AFF1: variants seen among roughly 807,000 people sequenced by gnomAD.
AFF1 encodes the protein ALF transcription elongation factor 1.
AFF1 carries 48 observed loss-of-function variants against 121.7 expected under a neutral mutation model. The ratio of observed to expected loss-of-function variants is 0.39; its 90% CI spans 0.31 to 0.50. The LOEUF (loss-of-function observed/expected upper bound fraction) is 0.50. AFF1 is among the 20% of genes least tolerant of loss of function. The probability of loss-of-function intolerance (pLI) is 0.76; values close to 1 mark genes in which losing one functional copy is unlikely to be tolerated. For synonymous variants in AFF1, 613 were observed against 563.0 expected, an observed-to-expected ratio of 1.09 and a Z score of -1.26; for missense variants, 1,523 against 1,511.7, an observed-to-expected ratio of 1.01 and a Z score of -0.12.
At chr4:86,963,963 G>GTTGTTTTTT (rs1722337746) in intron 2 of AFF1, among the ~76,000 whole-genome samples, 1 of 104,382 alleles carries the variant, frequency 9.6e-6, no homozygotes, top group East Asian at 2.9e-4. Flanking sequence ...GACTAGACTG[G>GTTGTTTTTT]TTTTTTTTTT....
chr4:87,072,091 T>C lies in AFF1; in HGVS notation c.1060-12029T>C, dbSNP rs573508247. ...AAGATTTTAAATTCAGGGCTGGGCGTGGTGGCTCACGCCTGTAATCCCAGC... is the reference window on the plus strand; with the variant it reads ...AAGATTTTAAATTCAGGGCTGGGCGCGGTGGCTCACGCCTGTAATCCCAGC... On this transcript the variant is annotated intron_variant, in intron 4 of 20. Transcript: ENST00000395146. Among the ~76,000 whole-genome samples, 57 of 152,198 alleles carry C rather than the reference T, an allele frequency of 3.7e-4. 1 individual carries two copies. In the South Asian group the frequency reaches 0.011, roughly 28 times the overall value.
intron 2 of AFF1, chr4:87,007,005 TCTAA>T: frequency 9.1e-7 from 1 of 1,102,826 alleles, no homozygotes; most frequent in Non-Finnish European, 1.1e-6. Context: ...TCTTTTCCTT[TCTAA>T]CTGTGGCCCG....
chr4:87,119,164 TTTC>T (rs888880892), intron 12 of AFF1, among the ~76,000 whole-genome samples: 2 of 152,162 alleles, frequency 1.3e-5, no homozygotes, highest in African/African-American at 4.8e-5. Flanking sequence ...TGGCCTATGT[TTTC>T]TTCTTCAGAA....
intron 4 of AFF1, among the ~76,000 whole-genome samples, chr4:87,064,195 T>C (rs988664735): frequency 6.6e-6 from 1 of 152,204 alleles, no homozygotes; most frequent in African/African-American, 2.4e-5. Context: ...GAAAAAATTA[T>C]AGTACTGAAC....
At chr4:87,049,871 G>A (rs1389900908) in intron 4 of AFF1, 9 of 379,636 alleles carry the variant, frequency 2.4e-5, no homozygotes, top group East Asian at 7.5e-5. Flanking sequence ...TCGTCAATCC[G>A]GGAAGTGGGG....
In AFF1 at chr4:87,138,025, T is replaced by A; in HGVS notation, c.*2324T>A. 2 of 206,600 alleles carry A rather than the reference T, an allele frequency of 9.7e-6. No individual in the cohort carries two copies. Among genetic ancestry groups the A allele is most frequent in the Non-Finnish European group, 1.9e-5 (2 of 107,036 alleles). The allele number at this position is 206,600 out of a possible 1,614,324, so 12.8% of individuals were successfully genotyped here. A position where few individuals can be genotyped will look rare whatever the true frequency, so the allele number is the denominator to read the frequency against. On this transcript the variant is annotated 3_prime_UTR_variant, in exon 21 of 21. Coordinates refer to ENST00000395146, the MANE Select transcript of AFF1 (RefSeq NM_001166693.3). Reference sequence around the variant, plus strand: ...GCTTTTTCAGTGGCCTTACTCTTTGTGGGTTTTTTTTTTTTTCTCTGAACT... The same window carrying A: ...GCTTTTTCAGTGGCCTTACTCTTTGAGGGTTTTTTTTTTTTTCTCTGAACT...
At chr4:87,040,831 C>T (rs923953633) in intron 2 of AFF1, among the ~76,000 whole-genome samples, 9 of 150,352 alleles carry the variant, frequency 6.0e-5, no homozygotes, top group Middle Eastern at 3.5e-3. Flanking sequence ...CCTCAGCCCC[C>T]CAAAGTGCTG....
intron 1 of AFF1, among the ~76,000 whole-genome samples, chr4:86,945,698 C>A (rs921068578): frequency 3.3e-5 from 5 of 151,882 alleles, no homozygotes; most frequent in Admixed American, 6.6e-5. Context: ...CAAGGTGTCA[C>A]TGTGTTTCCA....
chr4:86,961,626 CAT>C (rs1722152567), intron 2 of AFF1, among the ~76,000 whole-genome samples: 1 of 149,694 alleles, frequency 6.7e-6, no homozygotes, highest in African/African-American at 2.5e-5. Flanking sequence ...ACTACTGAGT[CAT>C]ATGGCAGGAA....
intron 2 of AFF1, among the ~76,000 whole-genome samples, chr4:87,032,604 T>A (rs1226694125): frequency 6.6e-6 from 1 of 152,216 alleles, no homozygotes; most frequent in Non-Finnish European, 1.5e-5. Flanking sequence ...AAAAAACTTC[T>A]CAGTTGTAGG....
chr4:87,134,749 A>G (rs1729159887), intron 20 of AFF1, 55 bp downstream of exon 20: 1 of 1,418,480 alleles, frequency 7.0e-7, no homozygotes. Context: ...TGGGAGGAAT[A>G]AACATTGGTT....
At chr4:86,952,687 CTTTT>C (rs35008076) in intron 2 of AFF1, among the ~76,000 whole-genome samples, 5 of 122,988 alleles carry the variant, frequency 4.1e-5, no homozygotes, top group African/African-American at 9.0e-5. Context: ...AAAAACACAA[CTTTT>C]TTTTTTTTTT....
chr4:87,130,986 C>CT, intron 16 of AFF1, 97 bp from the exon 17 acceptor site: 1 of 1,489,774 alleles, frequency 6.7e-7, no homozygotes, highest in South Asian at 1.3e-5. Context: ...CATAATTAAA[C>CT]TAAGACAGTG....
chr4:87,057,480 T>A (rs1194269434), intron 4 of AFF1, among the ~76,000 whole-genome samples: 2 of 152,226 alleles, frequency 1.3e-5, no homozygotes, highest in Non-Finnish European at 2.9e-5. Flanking sequence ...GGGTCTAATA[T>A]ACTGAGGTAA....
At chr4:87,000,323 C>T (rs1477333496) in intron 2 of AFF1, among the ~76,000 whole-genome samples, 2 of 152,146 alleles carry the variant, frequency 1.3e-5, no homozygotes, top group Admixed American at 6.5e-5. Context: ...TCAAAACTGT[C>T]ACGAAAAACA....
intron 11 of AFF1, among the ~76,000 whole-genome samples, chr4:87,110,244 C>T (rs1302450682): frequency 1.3e-5 from 2 of 151,074 alleles, no homozygotes; most frequent in East Asian, 1.9e-4. Flanking sequence ...TATATGAGTG[C>T]GTGACATATT....
chr4:87,113,016 A>T (rs1423294799), intron 11 of AFF1, among the ~76,000 whole-genome samples: 2 of 152,214 alleles, frequency 1.3e-5, no homozygotes, highest in African/African-American at 4.8e-5. Flanking sequence ...ACTATATGCA[A>T]GATAGAGTAG....
chr4:86,988,021 T>G (rs779009217), intron 2 of AFF1, among the ~76,000 whole-genome samples: 1 of 151,530 alleles, frequency 6.6e-6, no homozygotes, highest in Non-Finnish European at 1.5e-5. Flanking sequence ...CCCCAGAGTT[T>G]CTGATTCAGT....
intron 11 of AFF1, among the ~76,000 whole-genome samples, chr4:87,108,741 C>T (rs998259890): frequency 1.7e-4 from 26 of 152,174 alleles, no homozygotes; most frequent in African/African-American, 6.3e-4. Flanking sequence ...CCTGATTTAG[C>T]AAAGGGCAGG....
Sources: gnomAD v4.1 joint callset for allele counts (sites outside exome capture counted in the v4.1 genomes callset) on GRCh38, gnomAD v4.1.1 for gene constraint, MANE v1.5 for transcripts, NCBI Gene and HGNC (gene_info 2026-07-23, HGNC 2026-07-21) for gene names.